Variants in SLC26A4 observed in about 807,000 individuals in gnomAD.
SLC26A4 encodes solute carrier family 26 member 4.
In SLC26A4, 93 loss-of-function variants were observed where a neutral mutation model predicts 90.4. That is an observed-to-expected ratio of 1.03 (90% CI 0.87 to 1.22). The LOEUF (loss-of-function observed/expected upper bound fraction) is 1.22, where lower values mean the gene tolerates loss of function less well. Ranked by LOEUF, SLC26A4 falls within the 50% of genes most tolerant of loss-of-function variation. The pLI is 0.00. For synonymous variants in SLC26A4, 393 were observed against 354.6 expected, an observed-to-expected ratio of 1.11 and a Z score of -1.22; for missense variants, 1,127 against 946.2, an observed-to-expected ratio of 1.19 and a Z score of -2.51.
chr7:107,685,701 TC>T (rs1791377952), intron 8 of SLC26A4, among the ~76,000 whole-genome samples: 2 of 152,214 alleles, frequency 1.3e-5, no homozygotes, highest in Admixed American at 1.3e-4. Flanking sequence ...TCACTCATTC[TC>T]CCATCCTGGG....
chr7:107,672,925 C>CA (rs1790914388), intron 4 of SLC26A4, among the ~76,000 whole-genome samples: 1 of 152,238 alleles, frequency 6.6e-6, no homozygotes, highest in African/African-American at 2.4e-5. Context: ...TTTGCTCCTA[C>CA]ATCCATCTGC....
chr7:107,680,403 CTTA>C (rs1481751770), intron 6 of SLC26A4, among the ~76,000 whole-genome samples: 6 of 136,490 alleles, frequency 4.4e-5, no homozygotes, highest in Non-Finnish European at 7.7e-5. Flanking sequence ...ATAATCTTAT[CTTA>C]TTATATAATC....
chr7:107,709,312 AC>A (rs1292134583), intron 18 of SLC26A4, among the ~76,000 whole-genome samples: 1 of 152,192 alleles, frequency 6.6e-6, no homozygotes, highest in Non-Finnish European at 1.5e-5. Flanking sequence ...TTGCTCTGTC[AC>A]CCAGGCTGGA....
chr7:107,674,484 G>C, intron 5 of SLC26A4, 136 bp downstream of exon 5: 1 of 762,278 alleles, frequency 1.3e-6, no homozygotes, highest in Non-Finnish European at 2.2e-6. Context: ...TCTAAATTAC[G>C]TTGTTTTAGG....
chr7:107,681,602 A>G (rs929837884), intron 6 of SLC26A4, among the ~76,000 whole-genome samples: 2 of 152,190 alleles, frequency 1.3e-5, no homozygotes, highest in Non-Finnish European at 2.9e-5. Flanking sequence ...GATTGTCTCA[A>G]AGAAATGTCT....
chr7:107,696,002 A>T lies in SLC26A4; in HGVS notation c.1507A>T (p.Ile503Leu). The change falls in exon 13 of 21, where the codon ATA becomes TTA. Residue 503 changes from isoleucine (I) to leucine (L), a missense_variant. Ile to Leu is a conservative substitution (Grantham distance 5, BLOSUM62 2). Coordinates refer to ENST00000644269, the MANE Select transcript of SLC26A4 (RefSeq NM_000441.2). ...GLDLGLLAGL[I>L]FGLLTVVLRV... ...GGATCTCGGTTTACTAGCTGGCCTT[A>T]TATTTGGACTGTTGACTGTGGTCCT... 1 of 1,612,028 alleles carries T rather than the reference A, an allele frequency of 6.2e-7. No homozygotes were observed.
intron 3 of SLC26A4, among the ~76,000 whole-genome samples, chr7:107,669,459 T>C (rs1023268564): frequency 4.6e-5 from 7 of 152,194 alleles, no homozygotes; most frequent in African/African-American, 1.7e-4. Context: ...ACTTGAAAAA[T>C]GTCCATATGA....
intron 3 of SLC26A4, among the ~76,000 whole-genome samples, chr7:107,668,888 A>G (rs2129310492): frequency 6.6e-6 from 1 of 152,314 alleles, no homozygotes; most frequent in East Asian, 1.9e-4. Flanking sequence ...CTGCTTTGCC[A>G]GTATTTGTCA....
At chr7:107,684,873 G>A (rs1284101320) in intron 8 of SLC26A4, among the ~76,000 whole-genome samples, 1 of 152,158 alleles carries the variant, frequency 6.6e-6, no homozygotes, top group Non-Finnish European at 1.5e-5. Flanking sequence ...TTCCTAGGAT[G>A]TATCAAGTTA....
rs958768020 is a variant in SLC26A4 at position 107,661,557 on chromosome 7, G to A, written c.-3-82G>A. Reference sequence around the variant, plus strand: ...CTGGCTGCAGCTAACAGGTGATCCCGTTCTTTCTGTTCCTCGCTCTTCCCC... The same window carrying A: ...CTGGCTGCAGCTAACAGGTGATCCCATTCTTTCTGTTCCTCGCTCTTCCCC... On this transcript the variant is annotated intron_variant, in intron 1 of 20. Transcript: ENST00000644269. This position sits in a 1 kb window ranked among gnomAD's most constrained non-coding sequence, Gnocchi z 5.1. The A allele has an allele frequency of 1.5e-5, 21 of 1,433,442 alleles. No homozygotes were observed. Among genetic ancestry groups the A allele is most frequent in the African/African-American group, 7.0e-5 (5 of 70,928 alleles). 88.8% of individuals were successfully genotyped at this position (1,433,442 alleles called of 1,614,324 possible). A position where few individuals can be genotyped will look rare whatever the true frequency, so the allele number is the denominator to read the frequency against.
At chr7:107,699,061 G>T (rs1791817530) in intron 14 of SLC26A4, among the ~76,000 whole-genome samples, 1 of 152,164 alleles carries the variant, frequency 6.6e-6, no homozygotes, top group African/African-American at 2.4e-5. Context: ...CCTTGAAACT[G>T]GGATTTCAGT....
chr7:107,702,342 C>T (rs918786721), intron 17 of SLC26A4, among the ~76,000 whole-genome samples: 4 of 152,084 alleles, frequency 2.6e-5, no homozygotes, highest in Admixed American at 2.6e-4. Flanking sequence ...TGGTATCTAC[C>T]TTCACAGGTT....
chr7:107,715,509 C>G lies in SLC26A4; in HGVS notation c.*63C>G. 1.7e-6 allele frequency: 2 copies of G among 1,206,644 alleles called. No individual in the cohort carries two copies. The highest frequency in any genetic ancestry group is 2.5e-6 in the Non-Finnish European group (2 of 807,754). 74.7% of individuals were successfully genotyped at this position (1,206,644 alleles called of 1,614,324 possible). On this transcript the variant is annotated 3_prime_UTR_variant, in exon 21 of 21. Coordinates refer to ENST00000644269, the MANE Select transcript of SLC26A4 (RefSeq NM_000441.2). ...AGACAAAACTTCCTCAATGCATTGA[C>G]TATTTCTTCAGACTCAAAACACTCA...
chr7:107,688,940 G>A, intron 8 of SLC26A4, 113 bp from the exon 9 acceptor site: 3 of 1,102,822 alleles, frequency 2.7e-6, no homozygotes, highest in Non-Finnish European at 4.1e-6. Context: ...TGTTCTTTTG[G>A]ATCAAGTACT....
At chr7:107,672,353 T>C in intron 4 of SLC26A4, 105 bp downstream of exon 4, 1 of 502,606 alleles carries the variant, frequency 2.0e-6, no homozygotes. Context: ...GTAATTGCGG[T>C]TTTCACAATT....
At position 107,715,521 on chromosome 7, in the gene SLC26A4, A is replaced by T. The variant is rs368485743; in HGVS notation, c.*75A>T. Reference sequence around the variant, plus strand: ...CTCAATGCATTGACTATTTCTTCAGACTCAAAACACTCATTCTTTTTTCTA... The same window carrying T: ...CTCAATGCATTGACTATTTCTTCAGTCTCAAAACACTCATTCTTTTTTCTA... On this transcript the variant is annotated 3_prime_UTR_variant, in exon 21 of 21. Transcript: ENST00000644269. The T allele has an allele frequency of 1.5e-5, 15 of 1,012,358 alleles. No individual in the cohort carries two copies. In the African/African-American group the frequency reaches 2.2e-4, roughly 15 times the overall value. 62.7% of individuals were successfully genotyped at this position (1,012,358 alleles called of 1,614,324 possible).
At chr7:107,674,819 A>G in intron 5 of SLC26A4, 126 bp from the exon 6 acceptor site, 1 of 837,180 alleles carries the variant, frequency 1.2e-6, no homozygotes, top group Non-Finnish European at 2.0e-6. Flanking sequence ...TTTTTCTACC[A>G]GTATTTTTGT....
At chr7:107,695,639 C>T (rs1791715561) in intron 12 of SLC26A4, among the ~76,000 whole-genome samples, 1 of 152,040 alleles carries the variant, frequency 6.6e-6, no homozygotes. Context: ...CTTGTCTCTA[C>T]TACAAATAAA....
Position 107,661,968 on chromosome 7 carries a change from G to C in SLC26A4, c.164+163G>C. On this transcript the variant is annotated intron_variant, in intron 2 of 20. Coordinates refer to ENST00000644269, the MANE Select transcript of SLC26A4 (RefSeq NM_000441.2). This position sits in a 1 kb window ranked among gnomAD's most constrained non-coding sequence, Gnocchi z 5.1. ...CGACTTTCGGTCTCCGGTCCTCCACGCCGCCCTTCTGGTGGGAGGGTGGCT... is the reference window on the plus strand; with the variant it reads ...CGACTTTCGGTCTCCGGTCCTCCACCCCGCCCTTCTGGTGGGAGGGTGGCT... 1.4e-6 allele frequency: 1 copy of C among 739,298 alleles called. No individual in the cohort carries two copies. The highest frequency in any genetic ancestry group is 2.1e-6 in the Non-Finnish European group (1 of 465,574). 45.8% of individuals were successfully genotyped at this position (739,298 alleles called of 1,614,324 possible).
Sources: gnomAD v4.1 joint callset for allele counts (sites outside exome capture counted in the v4.1 genomes callset) on GRCh38, gnomAD v4.1.1 for gene constraint, Gnocchi (gnomAD v3.1) non-coding constraint, MANE v1.5 for transcripts, NCBI Gene and HGNC (gene_info 2026-07-23, HGNC 2026-07-21) for gene names.